The following HPD variants were observed in gnomAD, a reference collection of about 807,000 sequenced individuals.
The protein encoded by HPD is 4-hydroxyphenylpyruvate dioxygenase, also known as 4-hydroxyphenylpyruvic acid oxidase.
HPD carries 35 observed loss-of-function variants against 56.9 expected under a neutral mutation model. The observed-to-expected ratio is 0.62, with a 90% CI of 0.47 to 0.82. The LOEUF (loss-of-function observed/expected upper bound fraction) is 0.82. HPD is among the 40% of genes least tolerant of loss of function. The probability of loss-of-function intolerance (pLI) is 0.00; values close to 1 mark genes in which losing one functional copy is unlikely to be tolerated. For missense variants in HPD, 442 were observed against 506.8 expected, an observed-to-expected ratio of 0.87 and a Z score of 1.23; for synonymous variants, 186 against 200.2, an observed-to-expected ratio of 0.93 and a Z score of 0.60.
At chr12:121,874,793 CT>C in the HPD span, among the ~76,000 whole-genome samples, 1 of 150,156 alleles carries the variant, frequency 6.7e-6, no homozygotes, top group African/African-American at 2.5e-5. Flanking sequence ...CGTAGTTTCG[CT>C]CTTGTTACCC....
In HPD at chr12:121,839,775, C is replaced by A; in HGVS notation, c.1135G>T (p.Gly379Cys). 1.2e-6 allele frequency: 2 copies of A among 1,614,186 alleles called. No homozygotes were observed. Among genetic ancestry groups the A allele is most frequent in the Non-Finnish European group, 1.7e-6 (2 of 1,180,010 alleles). The change falls in exon 14 of 14, where the codon GGT becomes TGT. Residue 379 changes from glycine to cysteine, a missense_variant. Transcript: ENST00000289004. ...TTGGTCTCCATGTTGGTGAGGTTAC[C>A]CCGCAGGTTCTGCTCCTCCTCGAAA... is the stretch of plus-strand genomic sequence containing the variant. ...KAFEEEQNLR[G>C]NLTNMETNGV... is the part of the protein sequence containing the mutation.
chr12:121,851,689 T>TA (rs1195220906), intron 7 of HPD, among the ~76,000 whole-genome samples: 14 of 5,640 alleles, frequency 2.5e-3, no homozygotes, highest in African/African-American at 0.022. Context: ...ATTCATTTAT[T>TA]TATTTATTTA....
rs1877925922 is a variant in HPD, at chr12:121,854,615, G to A, written c.414+88C>T. On this transcript the variant is annotated intron_variant, in intron 7 of 13. Coordinates refer to ENST00000289004, the MANE Select transcript of HPD (RefSeq NM_002150.3). ...TGTCTGTGCTCCAAGGCCCATGGGT[G>A]GGATGGTTTGATGGAGTCAGCTGCG... 6 of 899,654 alleles carry A rather than the reference G, an allele frequency of 6.7e-6. No individual in the cohort carries two copies. The African/African-American group carries it at 8.2e-5, about 12-fold the overall frequency. 55.7% of individuals were successfully genotyped at this position (899,654 alleles called of 1,614,324 possible).
At chr12:121,851,303 C>A (rs1877762427) in intron 7 of HPD, among the ~76,000 whole-genome samples, 1 of 151,696 alleles carries the variant, frequency 6.6e-6, no homozygotes, top group Non-Finnish European at 1.5e-5. Context: ...CACACTTTAA[C>A]CATTTTTATG....
chr12:121,849,182 T>A, intron 8 of HPD, 106 bp from the exon 9 acceptor site: 2 of 743,080 alleles, frequency 2.7e-6, no homozygotes, highest in South Asian at 2.9e-5. Flanking sequence ...GTTTTTGGAG[T>A]TCTATTTTTT....
chr12:121,879,822 G>GGT, the HPD span, among the ~76,000 whole-genome samples: 12 of 152,258 alleles, frequency 7.9e-5, no homozygotes, highest in Non-Finnish European at 1.3e-4. Flanking sequence ...ATGTTCACCT[G>GGT]GTGTGTGTAT....
chr12:121,882,753 T>A, the HPD span, among the ~76,000 whole-genome samples: 2 of 152,178 alleles, frequency 1.3e-5, no homozygotes, highest in Non-Finnish European at 2.9e-5. Context: ...TTTTTCTTTT[T>A]GTTTTTGAGA....
At chr12:121,859,180 C>G, upstream of HPD, 2 of 380,210 alleles carry the variant, frequency 5.3e-6, no homozygotes, top group South Asian at 4.9e-5. Flanking sequence ...GTGGCGGCTC[C>G]AGAACTCTTG....
the HPD span, among the ~76,000 whole-genome samples, chr12:121,871,656 G>C: frequency 6.6e-6 from 1 of 152,186 alleles, no homozygotes; most frequent in Non-Finnish European, 1.5e-5. Context: ...TTGAGGTACA[G>C]AGCCCATGTG....
chr12:121,839,700 G>T lies in HPD; in HGVS notation c.*28C>A. On this transcript the variant is annotated 3_prime_UTR_variant, in exon 14 of 14. Transcript: ENST00000289004. ...CAGAATCAGGGGGCGTGGCTGTGTG[G>T]CTGTGGCCTCCGTGGGGTGGGCGGG... The T allele has an allele frequency of 6.7e-7, 1 of 1,491,046 alleles. No individual in the cohort carries two copies. Among genetic ancestry groups the T allele is most frequent in the Non-Finnish European group, 9.4e-7 (1 of 1,067,888 alleles). 92.4% of individuals were successfully genotyped at this position (1,491,046 alleles called of 1,614,324 possible). A position where few individuals can be genotyped will look rare whatever the true frequency, so the allele number is the denominator to read the frequency against.
intron 12 of HPD, among the ~76,000 whole-genome samples, chr12:121,841,728 G>C (rs1047674362): frequency 6.6e-6 from 1 of 151,800 alleles, no homozygotes; most frequent in African/African-American, 2.4e-5. Flanking sequence ...CTGTCGCCCA[G>C]GCTGGAGTGC....
chr12:121,847,034 A>G lies in HPD; in HGVS notation c.759+18T>C. On this transcript the variant is annotated intron_variant, in intron 10 of 13. Coordinates refer to ENST00000289004, the MANE Select transcript of HPD (RefSeq NM_002150.3). ...CCTCTTCCCTGCTCCCCTCTCCCCC[A>G]GCCAGGGGCGGCCTCACCTGGATCT... 4 of 1,614,094 alleles carry G rather than the reference A, an allele frequency of 2.5e-6. No individual in the cohort carries two copies. The highest frequency in any genetic ancestry group is 3.4e-6 in the Non-Finnish European group (4 of 1,180,004).
chr12:121,856,204 CTG>C, intron 6 of HPD, 118 bp downstream of exon 6: 1 of 797,910 alleles, frequency 1.3e-6, no homozygotes, highest in South Asian at 1.4e-5. Context: ...GAGCTTGTCA[CTG>C]TGATGTGGCA....
intron 3 of HPD, 56 bp from the exon 4 acceptor site, chr12:121,857,488 C>T: frequency 2.2e-6 from 3 of 1,338,902 alleles, no homozygotes; most frequent in Non-Finnish European, 3.2e-6. Flanking sequence ...GCATGGGGGA[C>T]TTCCGCAAGA....
chr12:121,875,724 C>A, the HPD span, among the ~76,000 whole-genome samples: 4 of 152,050 alleles, frequency 2.6e-5, no homozygotes, highest in African/African-American at 9.7e-5. Context: ...CTGCACCTGG[C>A]CGGTATGGTC....
At chr12:121,858,418 C>T (rs982364617) in intron 2 of HPD, among the ~76,000 whole-genome samples, 1 of 152,190 alleles carries the variant, frequency 6.6e-6, no homozygotes, top group African/African-American at 2.4e-5. Flanking sequence ...CTCCTGACCT[C>T]AAGTATTTGC....
At chr12:121,868,746 C>T in the HPD span, among the ~76,000 whole-genome samples, 1 of 151,796 alleles carries the variant, frequency 6.6e-6, no homozygotes, top group Non-Finnish European at 1.5e-5. Context: ...GTCTCAAACT[C>T]CTGGCCTCAA....
At chr12:121,844,742 G>C (rs1424566516) in intron 11 of HPD, among the ~76,000 whole-genome samples, 1 of 151,912 alleles carries the variant, frequency 6.6e-6, no homozygotes, top group Non-Finnish European at 1.5e-5. Context: ...TTAGCTGGGC[G>C]TGGTGGTGGG....
At chr12:121,851,705 T>TA in intron 7 of HPD, among the ~76,000 whole-genome samples, 2 of 5,294 alleles carry the variant, frequency 3.8e-4, no homozygotes, top group East Asian at 0.016. Flanking sequence ...ATTTATTTTT[T>TA]TTTTTTTTTT....
Sources: gnomAD v4.1 joint callset for allele counts (sites outside exome capture counted in the v4.1 genomes callset) on GRCh38, gnomAD v4.1.1 for gene constraint, MANE v1.5 for transcripts, NCBI Gene and HGNC (gene_info 2026-07-23, HGNC 2026-07-21) for gene names.